Variants in SMTN observed in about 807,000 individuals in gnomAD.
SMTN encodes the protein smoothelin.
Under a neutral mutation model 102.0 loss-of-function variants are expected in SMTN, and 58 were observed. The observed-to-expected ratio is 0.57, with a 90% confidence interval of 0.46 to 0.71. The LOEUF (loss-of-function observed/expected upper bound fraction) is 0.71, where lower values mean the gene tolerates loss of function less well. Among genes scored for constraint, SMTN ranks in the 30% least tolerant of loss-of-function variants. SMTN has a pLI of 0.00. For missense variants in SMTN, 1,185 were observed against 1,241.7 expected (o/e 0.95, Z 0.69); for synonymous variants, 478 against 497.9 (o/e 0.96, Z 0.53).
chr22:31,085,474 A>G (rs1240599824), intron 2 of SMTN, among the ~76,000 whole-genome samples: 1 of 152,178 alleles, frequency 6.6e-6, no homozygotes, highest in Non-Finnish European at 1.5e-5. Context: ...AGGCCCAGTG[A>G]GACCTCAGGG....
In SMTN at chr22:31,098,582, A is replaced by C. The variant is rs200677272; in HGVS notation, c.2160-85A>C. 17 of 1,298,526 alleles carry C rather than the reference A, an allele frequency of 1.3e-5. No homozygotes were observed. In the African/African-American group the frequency reaches 1.3e-4, roughly 10 times the overall value. The allele number at this position is 1,298,526 out of a possible 1,614,324, so 80.4% of individuals were successfully genotyped here. On this transcript the variant is annotated intron_variant, in intron 16 of 20. Coordinates refer to ENST00000333137, the MANE Select transcript of SMTN (RefSeq NM_134269.3). ...AGTGGAGATACTAGTGTGCTACAAG[A>C]CCCCCCCTCCTCCTCGCGAGTGGTG...
Position 31,089,933 on chromosome 22 carries a change from C to T in SMTN, c.706C>T (p.Pro236Ser), listed in dbSNP as rs1466250526. The change falls in exon 7 of 21, where the codon CCA becomes TCA. Residue 236 changes from proline to serine, a missense_variant. Around this residue, in one of 2 missense-constraint regions of SMTN, gnomAD observed 1,096 missense variants for 1,112.7 expected, o/e 0.98. Coordinates refer to ENST00000333137, the MANE Select transcript of SMTN (RefSeq NM_134269.3). ...LTAEVPGSPE[P>S]PPSPPKTTSP... ...AGCTGAGGTTCCAGGCAGCCCAGAG[C>T]CACCCCCCAGCCCACCCAAGACCAC... 2 of 1,603,490 alleles carry T rather than the reference C, an allele frequency of 1.2e-6. No homozygotes were observed. The highest frequency in any genetic ancestry group is 1.1e-5 in the South Asian group (1 of 89,812).
At chr22:31,103,825 C>T (rs1038261959) in intron 20 of SMTN, 2 of 158,064 alleles carry the variant, frequency 1.3e-5, no homozygotes, top group African/African-American at 4.8e-5. Flanking sequence ...ACAGGAAGTA[C>T]CAGATCAGGC....
Position 31,095,955 on chromosome 22 carries a change from T to C in SMTN, c.1861+346T>C. 1 of 375,902 alleles carries C rather than the reference T, an allele frequency of 2.7e-6. No individual in the cohort carries two copies. Among genetic ancestry groups the C allele is most frequent in the Non-Finnish European group, 4.9e-6 (1 of 203,554 alleles). The allele number at this position is 375,902 out of a possible 1,614,324, so 23.3% of individuals were successfully genotyped here. The stretch of plus-strand genomic sequence containing the variant: ...GAATCCAGATACTCCTTCTCCCTGC[T>C]GCTCCTCTCTCCCTGAAGTCCATTG... On this transcript the variant is annotated intron_variant, in intron 13 of 20. Coordinates refer to ENST00000333137, the MANE Select transcript of SMTN (RefSeq NM_134269.3). The surrounding 1 kb of genome is among the most constrained non-coding windows in gnomAD (Gnocchi z 4.1).
At chr22:31,087,606 C>T (rs1389084952) in intron 2 of SMTN, among the ~76,000 whole-genome samples, 1 of 152,224 alleles carries the variant, frequency 6.6e-6, no homozygotes, top group Non-Finnish European at 1.5e-5. Context: ...ACAGGGTGGC[C>T]TCCCTCCTCC....
intron 20 of SMTN, chr22:31,102,803 T>A (rs1464331506): frequency 1.3e-5 from 2 of 152,344 alleles, no homozygotes; most frequent in Non-Finnish European, 2.9e-5. Context: ...GAGAGGGCGG[T>A]CGGGATCCCC....
Position 31,090,088 on chromosome 22 carries a change from C to A in SMTN, c.793-20C>A. 1 of 1,611,676 alleles carries A rather than the reference C, an allele frequency of 6.2e-7. No individual in the cohort carries two copies. The highest frequency in any genetic ancestry group is 8.5e-7 in the Non-Finnish European group (1 of 1,178,710). The stretch of plus-strand genomic sequence containing the variant: ...TCTGGGAGTCAGGCCTTGCTCAGGC[C>A]CTGTTCTTCTCCCTTGCAGCTTCTG... On this transcript the variant is annotated intron_variant, in intron 7 of 20. Transcript: ENST00000333137.
At chr22:31,104,294 A>T in intron 20 of SMTN, 22 bp from the exon 21 acceptor site, 1 of 1,612,130 alleles carries the variant, frequency 6.2e-7, no homozygotes, top group South Asian at 1.1e-5. Context: ...CTGACATCCA[A>T]CCCCGTGCCC....
At position 31,091,817 on chromosome 22, in the gene SMTN, C is replaced by T. The variant is rs1352038504; in HGVS notation, c.1602C>T (p.Pro534=). The change falls in exon 11 of 21, where the codon CCC becomes CCT. Residue 534 remains proline, a synonymous_variant. Transcript: ENST00000333137. The stretch of plus-strand genomic sequence containing the variant: ...ATGTCACCAGCTTCAGCCATGCCCC[C>T]CCCAGTAGCCGAGGAGGCTGCAGCA... ...VTHVTSFSHA[P]PSSRGGCSIK... The T allele has an allele frequency of 3.7e-6, 6 of 1,601,456 alleles. No homozygotes were observed. The highest frequency in any genetic ancestry group is 4.3e-6 in the Non-Finnish European group (5 of 1,173,286).
chr22:31,084,048 A>G (rs1298419559), intron 2 of SMTN, among the ~76,000 whole-genome samples: 1 of 152,222 alleles, frequency 6.6e-6, no homozygotes, highest in East Asian at 1.9e-4. Context: ...TAGAGTTGGC[A>G]TGGGGACAGA....
chr22:31,070,110 G>A (rs61529391), intron 1 of SMTN, among the ~76,000 whole-genome samples: 5,970 of 152,150 alleles, frequency 0.039, 130 homozygotes, highest in Non-Finnish European at 0.042. Flanking sequence ...CAACTGAAGC[G>A]TATGCAAATC....
intron 16 of SMTN, 69 bp from the exon 17 acceptor site, chr22:31,098,598 G>T: frequency 6.6e-7 from 1 of 1,510,120 alleles, no homozygotes; most frequent in Non-Finnish European, 9.1e-7. Flanking sequence ...CCTCCTCCTC[G>T]CGAGTGGTGG....
At chr22:31,082,483 G>A (rs975051172) in intron 1 of SMTN, 7 of 475,172 alleles carry the variant, frequency 1.5e-5, no homozygotes, top group African/African-American at 8.0e-5. Flanking sequence ...TCCTTGCTCA[G>A]TGACAAATCC....
In SMTN at chr22:31,090,799, A is replaced by T. The variant is rs200396102; in HGVS notation, c.866-9A>T. The T allele has an allele frequency of 1.4e-5, 23 of 1,611,246 alleles. No homozygotes were observed. In the African/African-American group the frequency reaches 2.9e-4, roughly 21 times the overall value. On this transcript the variant is annotated splice_polypyrimidine_tract_variant and intron_variant, in intron 8 of 20. Transcript: ENST00000333137. ...CCACATGGCCATCACCCCCTCCCCA[A>T]CCTGCCAGACGTGGCTGGACCCCGA...
rs2043519819 is a variant in SMTN at position 31,095,618 on chromosome 22, C to T, written c.1861+9C>T. 3 of 1,608,268 alleles carry T rather than the reference C, an allele frequency of 1.9e-6. No individual in the cohort carries two copies. The highest frequency in any genetic ancestry group is 1.7e-5 in the Admixed American group (1 of 59,336). On this transcript the variant is annotated intron_variant, in intron 13 of 20. Coordinates refer to ENST00000333137, the MANE Select transcript of SMTN (RefSeq NM_134269.3). The surrounding 1 kb of genome is among the most constrained non-coding windows in gnomAD (Gnocchi z 4.1). ...CCGACAAAGGAAGAGAGGTAGAGAG[C>T]CAGTTGCCCTACCCTAGATCCAGCT...
chr22:31,090,680 G>T, intron 8 of SMTN, 128 bp from the exon 9 acceptor site: 1 of 770,482 alleles, frequency 1.3e-6, no homozygotes, highest in East Asian at 2.5e-5. Flanking sequence ...GGTGGGGTGG[G>T]GGTTGAGTAC....
At chr22:31,077,811 C>A (rs4423699), upstream of SMTN, among the ~76,000 whole-genome samples, 1 of 152,228 alleles carries the variant, frequency 6.6e-6, no homozygotes, top group South Asian at 2.1e-4. Context: ...GAGAACACAG[C>A]GGCTGGATGA....
chr22:31,099,552 C>A, intron 18 of SMTN, 193 bp from the exon 19 acceptor site: 2 of 625,278 alleles, frequency 3.2e-6, no homozygotes, highest in East Asian at 5.5e-5. Flanking sequence ...GTAGCTCTGT[C>A]CCTTGAAATT....
rs755430110 is a variant in SMTN, at chr22:31,096,772, C to T, written c.1901C>T (p.Ala634Val). Reference protein sequence around the residue: ...DKERERRLQEARGRPGEGRGN... With the variant: ...DKERERRLQEVRGRPGEGRGN... ...GAGCGGGAACGGCGGCTGCAGGAGG[C>T]ACGGGGCCGGCCAGGGGAGGGGCGC... The change falls in exon 14 of 21, where the codon GCA (alanine) becomes GTA (valine). Residue 634 changes from alanine (A) to valine (V), a missense_variant. By Grantham distance (64) the Ala-to-Val change is moderately conservative (BLOSUM62 0). Transcript: ENST00000333137. 2 of 1,559,998 alleles carry T rather than the reference C, an allele frequency of 1.3e-6. No homozygotes were observed. The highest frequency in any genetic ancestry group is 3.7e-5 in the Admixed American group (2 of 54,200).
Sources: allele counts gnomAD v4.1 joint callset (sites outside exome capture counted in the v4.1 genomes callset), GRCh38; gene constraint gnomAD v4.1.1; regional missense constraint gnomAD v4.1.1; non-coding constraint Gnocchi (gnomAD v3.1); transcripts MANE v1.5; gene names NCBI Gene and HGNC (gene_info 2026-07-23, HGNC 2026-07-21).